The following CPE variants were observed in gnomAD, a reference collection of about 807,000 sequenced individuals.
CPE encodes carboxypeptidase E.
A neutral mutation model predicts 53.5 loss-of-function variants in CPE; 17 were observed. That is an observed-to-expected ratio of 0.32 (90% CI 0.22 to 0.48). The LOEUF (loss-of-function observed/expected upper bound fraction) is 0.48, where lower values mean the gene tolerates loss of function less well. Ranked by LOEUF, CPE falls within the 20% of genes least tolerant of loss-of-function variation. The probability of loss-of-function intolerance (pLI) is 0.99; values close to 1 mark genes in which losing one functional copy is unlikely to be tolerated. For synonymous variants in CPE, 226 were observed against 228.8 expected (o/e 0.99, Z 0.11); for missense variants, 524 against 614.7 (o/e 0.85, Z 1.56).
At chr4:165,480,950 T>A (rs913300725) in intron 3 of CPE, among the ~76,000 whole-genome samples, 2 of 150,432 alleles carry the variant, frequency 1.3e-5, no homozygotes, top group Non-Finnish European at 1.5e-5. Context: ...TGGGTAATTT[T>A]AATTTTCTTC....
intron 1 of CPE, among the ~76,000 whole-genome samples, chr4:165,457,464 A>G (rs1056239319): frequency 4.6e-5 from 7 of 152,226 alleles, no homozygotes; most frequent in African/African-American, 1.7e-4. Context: ...TATTTTATAA[A>G]CTTGTGAAGC....
chr4:165,403,642 C>T (rs775557585), intron 1 of CPE, among the ~76,000 whole-genome samples: 79 of 147,616 alleles, frequency 5.4e-4, no homozygotes, highest in Non-Finnish European at 8.5e-4. Flanking sequence ...TTGAAAGCCT[C>T]TTGTAATTCA....
At chr4:165,400,348 T>A (rs1337009805) in intron 1 of CPE, among the ~76,000 whole-genome samples, 1 of 152,070 alleles carries the variant, frequency 6.6e-6, no homozygotes, top group Non-Finnish European at 1.5e-5. Flanking sequence ...AGAGAAAGTG[T>A]ATCAGGCAGA....
chr4:165,477,033 C>A (rs532192938), intron 3 of CPE, among the ~76,000 whole-genome samples: 2 of 152,324 alleles, frequency 1.3e-5, no homozygotes, highest in East Asian at 3.9e-4. Context: ...CATTGACTTG[C>A]TTGTGCTGTC....
chr4:165,393,976 A>G (rs1353280525), intron 1 of CPE, among the ~76,000 whole-genome samples: 6 of 152,184 alleles, frequency 3.9e-5, no homozygotes, highest in African/African-American at 1.4e-4. Flanking sequence ...GCTCTGATAA[A>G]CTTTTTGGAG....
At chr4:165,419,695 G>T in intron 1 of CPE, among the ~76,000 whole-genome samples, 1 of 152,096 alleles carries the variant, frequency 6.6e-6, no homozygotes, top group East Asian at 1.9e-4. Context: ...ATAAGCCATT[G>T]TCCATTGACT....
At chr4:165,449,493 T>C (rs1731772378) in intron 1 of CPE, among the ~76,000 whole-genome samples, 1 of 152,234 alleles carries the variant, frequency 6.6e-6, no homozygotes, top group East Asian at 1.9e-4. Context: ...GTTGGGGAGA[T>C]GAGCGATATG....
At chr4:165,475,554 A>C (rs2126707374) in intron 3 of CPE, among the ~76,000 whole-genome samples, 1 of 152,382 alleles carries the variant, frequency 6.6e-6, no homozygotes, top group African/African-American at 2.4e-5. Context: ...AACAAGAGGC[A>C]GGCTTGCCCC....
chr4:165,493,016 T>A (rs376548328), intron 6 of CPE, among the ~76,000 whole-genome samples, 155 bp from the exon 7 acceptor site: 10 of 152,276 alleles, frequency 6.6e-5, no homozygotes, highest in Admixed American at 3.3e-4. Context: ...GCACAAAAAA[T>A]TCAGTGGCCT....
At chr4:165,394,515 CAT>C (rs898503721) in intron 1 of CPE, among the ~76,000 whole-genome samples, 7 of 152,022 alleles carry the variant, frequency 4.6e-5, no homozygotes, top group African/African-American at 7.2e-5. Flanking sequence ...CAGAATGAAT[CAT>C]GTGTTGTGTC....
chr4:165,484,387 G>A, intron 4 of CPE, 35 bp from the exon 5 acceptor site: 1 of 1,594,174 alleles, frequency 6.3e-7, no homozygotes, highest in Non-Finnish European at 8.6e-7. Context: ...CTTGGTCTGT[G>A]TCTGTTTCTT....
chr4:165,406,842 T>C (rs1730961591), intron 1 of CPE, among the ~76,000 whole-genome samples: 1 of 152,244 alleles, frequency 6.6e-6, no homozygotes, highest in African/African-American at 2.4e-5. Context: ...TTCTAGACAT[T>C]TCATATAAAT....
intron 1 of CPE, among the ~76,000 whole-genome samples, chr4:165,434,753 A>G (rs916263510): frequency 3.9e-5 from 6 of 152,176 alleles, no homozygotes; most frequent in African/African-American, 1.4e-4. Context: ...TGAGTGCGTG[A>G]TAACACAACA....
chr4:165,388,966 G>A (rs935330467), intron 1 of CPE, among the ~76,000 whole-genome samples: 3 of 152,060 alleles, frequency 2.0e-5, no homozygotes, highest in African/African-American at 7.2e-5. Context: ...AGCATCAGGG[G>A]AATTAATTTA....
chr4:165,462,192 C>T (rs941925546), intron 1 of CPE, among the ~76,000 whole-genome samples: 8 of 152,146 alleles, frequency 5.3e-5, no homozygotes, highest in Admixed American at 4.6e-4. Flanking sequence ...TAGGGAATGG[C>T]GCAGCCTGTG....
chr4:165,423,401 G>T (rs1270918184), intron 1 of CPE, among the ~76,000 whole-genome samples: 1 of 151,752 alleles, frequency 6.6e-6, no homozygotes, highest in Non-Finnish European at 1.5e-5. Flanking sequence ...AAAGTTTTAT[G>T]CCTCTTTTCA....
intron 1 of CPE, among the ~76,000 whole-genome samples, chr4:165,464,024 A>T (rs914567753): frequency 1.3e-5 from 2 of 152,218 alleles, no homozygotes; most frequent in African/African-American, 4.8e-5. Flanking sequence ...CTCTGTGCAG[A>T]GGAGAGAAAG....
At chr4:165,387,287 A>T (rs1560866229) in intron 1 of CPE, among the ~76,000 whole-genome samples, 2 of 152,192 alleles carry the variant, frequency 1.3e-5, no homozygotes, top group Non-Finnish European at 2.9e-5. Context: ...AGCAAAGATA[A>T]ATGAATTACT....
chr4:165,493,150 G>C (rs751977465), intron 6 of CPE, 21 bp from the exon 7 acceptor site: 152 of 1,508,806 alleles, frequency 1.0e-4, no homozygotes, highest in Non-Finnish European at 1.4e-4. Flanking sequence ...TTAATTTTTT[G>C]GTTATTTTTG....
Sources: gnomAD v4.1 joint callset for allele counts (sites outside exome capture counted in the v4.1 genomes callset) on GRCh38, gnomAD v4.1.1 for gene constraint, MANE v1.5 for transcripts, NCBI Gene and HGNC (gene_info 2026-07-23, HGNC 2026-07-21) for gene names.